ABI1: variants seen among roughly 807,000 people sequenced by gnomAD.
ABI1 encodes the protein Abelson interactor 1.
ABI1 carries 14 observed loss-of-function variants against 54.6 expected under a neutral mutation model. The ratio of observed to expected loss-of-function variants is 0.26; its 90% CI spans 0.17 to 0.40. The LOEUF is 0.40. ABI1 is among the 10% of genes least tolerant of loss of function. The pLI, the probability that ABI1 is intolerant of heterozygous loss-of-function variation, is 1.00. For missense variants in ABI1, 443 were observed against 598.3 expected, an observed-to-expected ratio of 0.74 and a Z score of 2.71; for synonymous variants, 194 against 209.3, an observed-to-expected ratio of 0.93 and a Z score of 0.63.
At chr10:26,765,736 A>C (rs1054598757) in intron 6 of ABI1, among the ~76,000 whole-genome samples, 4 of 151,208 alleles carry the variant, frequency 2.6e-5, no homozygotes, top group African/African-American at 9.7e-5. Flanking sequence ...TGGTGGGTGC[A>C]GGTGGGTGGG....
chr10:26,777,341 A>C, intron 2 of ABI1, 100 bp from the exon 3 acceptor site: 8 of 795,390 alleles, frequency 1.0e-5, no homozygotes, highest in Non-Finnish European at 1.5e-5. Flanking sequence ...ACAGGGCTGT[A>C]CACCATATGT....
chr10:26,775,775 T>A (rs549574625), intron 3 of ABI1, among the ~76,000 whole-genome samples: 8 of 152,104 alleles, frequency 5.3e-5, no homozygotes, highest in Non-Finnish European at 8.8e-5. Flanking sequence ...ACAGAAAAAA[T>A]TTTTAATAAA....
In ABI1 at chr10:26,860,616, G is replaced by A; in HGVS notation, c.117+131C>T. ...TCTGTCCCCGGTTGGGGCTGGGGTT[G>A]GGGCTGCGGTAGGGGCTCGGGTTGG... On this transcript the variant is annotated intron_variant, in intron 1 of 10. Coordinates refer to ENST00000376140, the MANE Select transcript of ABI1 (RefSeq NM_001012750.3). This position sits in a 1 kb window ranked among gnomAD's most constrained non-coding sequence, Gnocchi z 4.1. 4 of 717,728 alleles carry A rather than the reference G, an allele frequency of 5.6e-6. No homozygotes were observed. The highest frequency in any genetic ancestry group is 9.7e-6 in the Non-Finnish European group (4 of 410,550). 44.5% of individuals were successfully genotyped at this position (717,728 alleles called of 1,614,324 possible).
intron 1 of ABI1, among the ~76,000 whole-genome samples, chr10:26,852,912 C>CA (rs1419678649): frequency 6.6e-6 from 1 of 152,090 alleles, no homozygotes; most frequent in African/African-American, 2.4e-5. Flanking sequence ...ACAAAAATTA[C>CA]AAAAAATTAG....
intron 2 of ABI1, among the ~76,000 whole-genome samples, chr10:26,815,670 G>A (rs955434356): frequency 5.3e-5 from 8 of 152,144 alleles, no homozygotes; most frequent in African/African-American, 1.9e-4. Context: ...CACTTTGGAA[G>A]GCCAAGGTGG....
chr10:26,838,326 C>T (rs933194863), intron 1 of ABI1, among the ~76,000 whole-genome samples: 1 of 151,982 alleles, frequency 6.6e-6, no homozygotes, highest in African/African-American at 2.4e-5. Flanking sequence ...CCGGCCAACT[C>T]TTAATCTTTC....
chr10:26,789,327 A>G (rs1253199032), intron 2 of ABI1, among the ~76,000 whole-genome samples: 1 of 152,246 alleles, frequency 6.6e-6, no homozygotes, highest in Non-Finnish European at 1.5e-5. Context: ...TATACATGGA[A>G]CAAATTTGGA....
chr10:26,800,418 A>T (rs541410816), intron 2 of ABI1, among the ~76,000 whole-genome samples: 106 of 152,210 alleles, frequency 7.0e-4, no homozygotes, highest in African/African-American at 2.5e-3. Context: ...ATCTAATCAC[A>T]AGGAAGCATT....
At chr10:26,826,577 C>T (rs943461387) in intron 1 of ABI1, among the ~76,000 whole-genome samples, 3 of 152,200 alleles carry the variant, frequency 2.0e-5, no homozygotes, top group Non-Finnish European at 4.4e-5. Context: ...TGGGCTTCTC[C>T]TCTCTCCCTG....
intron 1 of ABI1, among the ~76,000 whole-genome samples, chr10:26,836,321 C>CA (rs992673888): frequency 4.6e-5 from 7 of 152,082 alleles, no homozygotes; most frequent in Non-Finnish European, 8.8e-5. Context: ...CCATGTTAGC[C>CA]AGCCTGGTCT....
intron 1 of ABI1, among the ~76,000 whole-genome samples, chr10:26,830,905 T>C (rs1014473806): frequency 2.0e-5 from 3 of 152,176 alleles, no homozygotes; most frequent in Non-Finnish European, 4.4e-5. Context: ...TGCCCATTTT[T>C]TTAATTTTAA....
chr10:26,776,928 A>G, intron 3 of ABI1, 137 bp downstream of exon 3: 2 of 775,508 alleles, frequency 2.6e-6, no homozygotes, highest in South Asian at 2.5e-5. Flanking sequence ...AGTAAAATTC[A>G]TATTAAATAT....
At chr10:26,770,998 T>A in intron 4 of ABI1, 77 bp downstream of exon 4, 1 of 1,484,996 alleles carries the variant, frequency 6.7e-7, no homozygotes, top group Admixed American at 1.7e-5. Context: ...AGAAGAGTTT[T>A]CAAATTTTAG....
At chr10:26,822,264 AACTAAG>A (rs938636123) in intron 2 of ABI1, among the ~76,000 whole-genome samples, 3 of 152,324 alleles carry the variant, frequency 2.0e-5, no homozygotes, top group Admixed American at 6.5e-5. Flanking sequence ...ACACTCAGCA[AACTAAG>A]ACTAAGTGGT....
At chr10:26,824,894 T>C (rs2048211604) in intron 1 of ABI1, among the ~76,000 whole-genome samples, 1 of 152,228 alleles carries the variant, frequency 6.6e-6, no homozygotes, top group Non-Finnish European at 1.5e-5. Flanking sequence ...ATGTTTATAT[T>C]ATGCTGTAGT....
rs530650763 is a variant in ABI1, at chr10:26,768,638, A to G, written c.719+214T>C. ...GAAATACAAACAATCCATTAATAGTACAAATAGATGTTTTAAAAAGTTAAA... is the reference window on the plus strand; with the variant it reads ...GAAATACAAACAATCCATTAATAGTGCAAATAGATGTTTTAAAAAGTTAAA... On this transcript the variant is annotated intron_variant, in intron 6 of 10. Transcript: ENST00000376140. Among the ~76,000 whole-genome samples, 42 of 152,336 alleles carry G rather than the reference A, an allele frequency of 2.8e-4. 1 individual carries two copies. The highest frequency in any genetic ancestry group is 8.5e-4 in the Admixed American group (13 of 15,294).
At chr10:26,764,838 T>TA (rs929926074) in intron 7 of ABI1, among the ~76,000 whole-genome samples, 3 of 152,242 alleles carry the variant, frequency 2.0e-5, no homozygotes, top group Non-Finnish European at 4.4e-5. Context: ...AGGATGTGTG[T>TA]AGGTTATATG....
chr10:26,858,919 A>G (rs2051076180), intron 1 of ABI1, among the ~76,000 whole-genome samples: 1 of 152,214 alleles, frequency 6.6e-6, no homozygotes. Context: ...ACTGACTTCT[A>G]CAGAGAACAC....
chr10:26,794,673 G>T (rs1369125231), intron 2 of ABI1, among the ~76,000 whole-genome samples: 1 of 151,432 alleles, frequency 6.6e-6, no homozygotes, highest in African/African-American at 2.4e-5. Flanking sequence ...TATATAGAAT[G>T]GATTTTCAAC....
Sources: allele counts gnomAD v4.1 joint callset (sites outside exome capture counted in the v4.1 genomes callset), GRCh38; gene constraint gnomAD v4.1.1; non-coding constraint Gnocchi (gnomAD v3.1); transcripts MANE v1.5; gene names NCBI Gene and HGNC (gene_info 2026-07-23, HGNC 2026-07-21).